The following GLT8D2 variants were observed in gnomAD, a reference collection of about 807,000 sequenced individuals.
The protein encoded by GLT8D2 is glycosyltransferase 8 domain containing 2.
Under a neutral mutation model 44.5 loss-of-function variants are expected in GLT8D2, and 45 were observed. The ratio of observed to expected loss-of-function variants is 1.01; its 90% CI spans 0.80 to 1.30. The LOEUF (loss-of-function observed/expected upper bound fraction) is 1.30. Among genes scored for constraint, GLT8D2 ranks in the 50% most tolerant of loss-of-function variants. The pLI, the probability that GLT8D2 is intolerant of heterozygous loss-of-function variation, is 0.00. For synonymous variants in GLT8D2, 156 were observed against 157.2 expected (o/e 0.99, Z 0.06); for missense variants, 400 against 430.4 (o/e 0.93, Z 0.62).
At chr12:104,033,824 A>ATG (rs767234866) in intron 1 of GLT8D2, among the ~76,000 whole-genome samples, 1 of 128,858 alleles carries the variant, frequency 7.8e-6, no homozygotes, top group South Asian at 2.5e-4. Flanking sequence ...ATATATATAT[A>ATG]TGTATATATT....
At chr12:104,028,431 C>A (rs1243051190) in intron 1 of GLT8D2, among the ~76,000 whole-genome samples, 1 of 152,092 alleles carries the variant, frequency 6.6e-6, no homozygotes, top group Non-Finnish European at 1.5e-5. Context: ...CCCAAGTGGA[C>A]AAGACACAGT....
intron 5 of GLT8D2, among the ~76,000 whole-genome samples, chr12:104,001,766 C>T (rs562196282): frequency 2.6e-4 from 40 of 152,172 alleles, no homozygotes; most frequent in East Asian, 7.7e-4. Flanking sequence ...CGCAGTGGCA[C>T]GATCTCAGCT....
chr12:104,009,074 A>G (rs1056702365), intron 4 of GLT8D2, among the ~76,000 whole-genome samples: 3 of 152,216 alleles, frequency 2.0e-5, no homozygotes, highest in African/African-American at 7.2e-5. Flanking sequence ...CAGAGTCCCT[A>G]CTGGGGCACT....
At chr12:104,012,940 G>T in intron 4 of GLT8D2, 2 of 599,316 alleles carry the variant, frequency 3.3e-6, no homozygotes, top group South Asian at 4.0e-5. Flanking sequence ...ATGCCAAGGA[G>T]AGAGGCCTCA....
intron 9 of GLT8D2, 133 bp downstream of exon 9, chr12:103,994,202 A>T: frequency 1.3e-6 from 1 of 746,346 alleles, no homozygotes; most frequent in Non-Finnish European, 2.0e-6. Context: ...TTTCTTTCTT[A>T]ACATTGCCTC....
chr12:104,025,210 T>G (rs1192817094), intron 1 of GLT8D2, among the ~76,000 whole-genome samples: 1 of 152,082 alleles, frequency 6.6e-6, no homozygotes, highest in Non-Finnish European at 1.5e-5. Context: ...ATTCATTTTA[T>G]TTTTTTCTTT....
At chr12:104,019,118 C>CTTTTTTTT (rs11291563) in intron 3 of GLT8D2, among the ~76,000 whole-genome samples, 34 of 116,436 alleles carry the variant, frequency 2.9e-4, no homozygotes, top group Non-Finnish European at 4.1e-4. Flanking sequence ...ACTTCTTCTT[C>CTTTTTTTT]TTTTTTTTTT....
chr12:104,014,871 G>A (rs921736402), intron 4 of GLT8D2, 142 bp downstream of exon 4: 5 of 620,454 alleles, frequency 8.1e-6, no homozygotes, highest in East Asian at 2.8e-5. Context: ...AGGTGGTCTA[G>A]GGCGGATATT....
intron 1 of GLT8D2, among the ~76,000 whole-genome samples, chr12:104,036,304 A>T (rs1033944069): frequency 6.6e-6 from 1 of 152,246 alleles, no homozygotes; most frequent in East Asian, 1.9e-4. Context: ...AAATTCACAC[A>T]TAACAATATT....
At chr12:104,050,310 C>T (rs1278849780), upstream of GLT8D2, 1 of 152,208 alleles carries the variant, frequency 6.6e-6, no homozygotes, top group Admixed American at 6.5e-5. Flanking sequence ...GACACAAAAC[C>T]AGAGAAGAGC....
chr12:104,006,258 A>G lies in GLT8D2; in HGVS notation c.113-2952T>C, dbSNP rs567380493. ...GGGGGGAGGGGGAAGGGATAGCATTAGGAGATATACCTGATGTAAATGACG... is the reference window on the plus strand; with the variant it reads ...GGGGGGAGGGGGAAGGGATAGCATTGGGAGATATACCTGATGTAAATGACG... On this transcript the variant is annotated intron_variant, in intron 4 of 10. Coordinates refer to ENST00000360814, the MANE Select transcript of GLT8D2 (RefSeq NM_001384711.1). Among the ~76,000 whole-genome samples, 30 of 152,244 alleles carry G rather than the reference A, an allele frequency of 2.0e-4. 1 individual carries two copies. Among genetic ancestry groups the G allele is most frequent in the African/African-American group, 7.0e-4 (29 of 41,534 alleles).
At position 104,021,948 on chromosome 12, in the gene GLT8D2, GAAGAAGAGGAA is replaced by G. The variant is rs1566202531; in HGVS notation, c.-163-468_-163-458del. On this transcript the variant is annotated intron_variant, in intron 1 of 10. Coordinates refer to ENST00000360814, the MANE Select transcript of GLT8D2 (RefSeq NM_001384711.1). ...AGAAGAAGAAGAAGAAGAAGAAGAAGAAGAAGAGGAAGAAGAGGAAGAGGAAGAGGAAGAGG... is the reference window on the plus strand; with the variant it reads ...AGAAGAAGAAGAAGAAGAAGAAGAAGGAAGAGGAAGAGGAAGAGGAAGAGG... 7.5e-3 allele frequency among the ~76,000 whole-genome samples: 146 copies of G among 19,596 alleles called. 1 individual carries two copies. Among genetic ancestry groups the G allele is most frequent in the East Asian group, 0.058 (15 of 260 alleles). 12.9% of individuals were successfully genotyped at this position (19,596 alleles called of 152,430 possible). A position where few individuals can be genotyped will look rare whatever the true frequency, so the allele number is the denominator to read the frequency against.
At chr12:104,006,825 T>C (rs1294370474) in intron 4 of GLT8D2, among the ~76,000 whole-genome samples, 2 of 152,168 alleles carry the variant, frequency 1.3e-5, no homozygotes, top group Non-Finnish European at 2.9e-5. Context: ...TTTGGAGCTA[T>C]CTTACAGGAG....
At chr12:104,006,859 C>T (rs1875079824) in intron 4 of GLT8D2, among the ~76,000 whole-genome samples, 1 of 152,154 alleles carries the variant, frequency 6.6e-6, no homozygotes. Flanking sequence ...CTAAAACACA[C>T]ACACACTTAA....
chr12:104,022,023 A>AAG (rs1566202777), intron 1 of GLT8D2, among the ~76,000 whole-genome samples: 343 of 27,318 alleles, frequency 0.013, 96 homozygotes, highest in African/African-American at 0.016. Flanking sequence ...AGAAGAAGAA[A>AAG]AAGAAGAAGA....
At chr12:104,034,139 C>G (rs1418004025) in intron 1 of GLT8D2, among the ~76,000 whole-genome samples, 1 of 152,218 alleles carries the variant, frequency 6.6e-6, no homozygotes, top group Non-Finnish European at 1.5e-5. Flanking sequence ...AACATGCTTA[C>G]TTCCTTAAAA....
rs372176260 is a variant in GLT8D2 at position 104,021,956 on chromosome 12, G to GGAA, written c.-163-468_-163-466dup. Among the ~76,000 whole-genome samples, 101 of 25,932 alleles carry GGAA rather than the reference G, an allele frequency of 3.9e-3. 17 individuals are homozygous for GGAA. Among genetic ancestry groups the GGAA allele is most frequent in the African/African-American group, 6.9e-3 (40 of 5,818 alleles). The allele number at this position is 25,932 out of a possible 152,430, so 17.0% of individuals were successfully genotyped here. A position where few individuals can be genotyped will look rare whatever the true frequency, so the allele number is the denominator to read the frequency against. On this transcript the variant is annotated intron_variant, in intron 1 of 10. Coordinates refer to ENST00000360814, the MANE Select transcript of GLT8D2 (RefSeq NM_001384711.1). ...AAGAAGAAGAAGAAGAAGAAGAAGA[G>GGAA]GAAGAAGAGGAAGAGGAAGAGGAAG...
At chr12:104,027,804 G>A (rs1878761376) in intron 1 of GLT8D2, among the ~76,000 whole-genome samples, 1 of 152,072 alleles carries the variant, frequency 6.6e-6, no homozygotes, top group African/African-American at 2.4e-5. Context: ...GATGGGGCTG[G>A]GATTAAAAAT....
At chr12:104,004,042 C>A (rs748532010) in intron 4 of GLT8D2, among the ~76,000 whole-genome samples, 3 of 152,058 alleles carry the variant, frequency 2.0e-5, no homozygotes, top group East Asian at 1.9e-4. Context: ...TAATCAAGTG[C>A]GCTTCATCCC....
Sources: gnomAD v4.1 joint callset for allele counts (sites outside exome capture counted in the v4.1 genomes callset) on GRCh38, gnomAD v4.1.1 for gene constraint, MANE v1.5 for transcripts, NCBI Gene and HGNC (gene_info 2026-07-23, HGNC 2026-07-21) for gene names.